DAAM1: variants seen among roughly 807,000 people sequenced by gnomAD.
DAAM1 encodes disheveled-associated activator of morphogenesis 1.
In DAAM1, 52 loss-of-function variants were observed where a neutral mutation model predicts 130.0. The ratio of observed to expected loss-of-function variants is 0.40; its 90% CI spans 0.32 to 0.50. The LOEUF is 0.50. DAAM1 is among the 20% of genes least tolerant of loss of function. The pLI is 0.61. For synonymous variants in DAAM1, 452 were observed against 444.5 expected (o/e 1.02, Z -0.21); for missense variants, 1,134 against 1,303.8 (o/e 0.87, Z 2.01).
intron 2 of DAAM1, among the ~76,000 whole-genome samples, chr14:59,272,723 A>G (rs1457105343): frequency 6.6e-6 from 1 of 152,092 alleles, no homozygotes; most frequent in East Asian, 1.9e-4. Flanking sequence ...GCATTTTTTG[A>G]TAACTTGATG....
At chr14:59,270,424 G>A (rs1374073539) in intron 2 of DAAM1, among the ~76,000 whole-genome samples, 2 of 152,064 alleles carry the variant, frequency 1.3e-5, no homozygotes, top group Non-Finnish European at 2.9e-5. Flanking sequence ...AGCTCTCCAG[G>A]GAACTAATGG....
At position 59,346,949 on chromosome 14, in the gene DAAM1, G is replaced by C. The variant is rs564674460; in HGVS notation, c.2076-590G>C. Among the ~76,000 whole-genome samples the C allele has an allele frequency of 4.6e-5, 7 of 152,146 alleles. No individual in the cohort carries two copies. The South Asian group carries it at 1.5e-3, about 32-fold the overall frequency. On this transcript the variant is annotated intron_variant, in intron 16 of 24. Transcript: ENST00000360909. ...TTGAGATTAGCAATCAAGAGTCGTG[G>C]GTTTGTGGTTACTGTCGTTTTTTAT...
At chr14:59,332,638 A>T (rs1464790966) in intron 15 of DAAM1, among the ~76,000 whole-genome samples, 2 of 152,210 alleles carry the variant, frequency 1.3e-5, no homozygotes, top group Admixed American at 6.5e-5. Context: ...GTTCTTCAAG[A>T]GGGCATCGTG....
rs139803622 is a variant in DAAM1 at position 59,219,397 on chromosome 14, G to A, written c.-38+30629G>A. Among the ~76,000 whole-genome samples the A allele has an allele frequency of 3.8e-3, 580 of 152,224 alleles. 3 individuals carry two copies. Among genetic ancestry groups the A allele is most frequent in the African/African-American group, 0.013 (540 of 41,524 alleles). On this transcript the variant is annotated intron_variant, in intron 1 of 24. Transcript: ENST00000360909. ...GTGCATAAACCTCTGGGGGGACATC[G>A]GCATGCTGTAGTCAGTATCCTGATT...
chr14:59,349,974 C>A (rs1442294872), intron 17 of DAAM1, among the ~76,000 whole-genome samples: 1 of 152,148 alleles, frequency 6.6e-6, no homozygotes, highest in Non-Finnish European at 1.5e-5. Context: ...ACTCAGTTTC[C>A]TTGCCCAATG....
chr14:59,227,353 C>G (rs1466266234), intron 1 of DAAM1, among the ~76,000 whole-genome samples: 1 of 152,116 alleles, frequency 6.6e-6, no homozygotes, highest in East Asian at 1.9e-4. Flanking sequence ...CTCTGGTTCC[C>G]CATTACAGAC....
In DAAM1 at chr14:59,323,202, G is replaced by T; in HGVS notation, c.751G>T (p.Ala251Ser). ...GGCCATGCTGCACTACCAGAAGTAT[G>T]CCAGCGAAAGGACCCGCTTTCAGGT... ...LQAMLHYQKY[A>S]SERTRFQTLI... The change falls in exon 6 of 25, where the codon GCC becomes TCC. Residue 251 changes from alanine to serine, a missense_variant. Coordinates refer to ENST00000360909, the MANE Select transcript of DAAM1 (RefSeq NM_001270520.2). 2 of 1,609,682 alleles carry T rather than the reference G, an allele frequency of 1.2e-6. No individual in the cohort carries two copies. The highest frequency in any genetic ancestry group is 1.7e-6 in the Non-Finnish European group (2 of 1,177,048).
chr14:59,202,651 C>T (rs1481184010), intron 1 of DAAM1, among the ~76,000 whole-genome samples: 2 of 152,204 alleles, frequency 1.3e-5, no homozygotes, highest in African/African-American at 4.8e-5. Context: ...TATCCTCTGT[C>T]TTCAGCTTCT....
chr14:59,262,653 AGTGTGTGTGTGTGTGTGTGTGTGT>A (rs5809025), intron 1 of DAAM1, among the ~76,000 whole-genome samples: 36 of 140,870 alleles, frequency 2.6e-4, no homozygotes, highest in African/African-American at 8.0e-4. Flanking sequence ...ATATTCTATT[AGTGTGTGTGTGTGTGTGTGTGTGT>A]GTGTGTGTGT....
rs560252143 is a variant in DAAM1, at chr14:59,259,936, G to T, written c.-37-3505G>T. Among the ~76,000 whole-genome samples the T allele has an allele frequency of 4.0e-4, 61 of 152,194 alleles. No homozygotes were observed. The East Asian group carries it at 8.3e-3, about 21-fold the overall frequency. ...GCGGGCGTCTATAGTCCCAGCTACT[G>T]GGGAGGCTGAGGCAGGAGAATGGCG... On this transcript the variant is annotated intron_variant, in intron 1 of 24. Transcript: ENST00000360909.
intron 17 of DAAM1, among the ~76,000 whole-genome samples, chr14:59,348,163 G>GC (rs1353300378): frequency 2.0e-5 from 3 of 152,198 alleles, no homozygotes; most frequent in African/African-American, 4.8e-5. Flanking sequence ...ACATTGTACA[G>GC]CCCCCTCTTG....
chr14:59,322,858 G>A (rs369988349), intron 5 of DAAM1, 34 bp from the exon 6 acceptor site: 7 of 1,545,086 alleles, frequency 4.5e-6, no homozygotes, highest in Middle Eastern at 3.4e-4. Context: ...AAACCCAAAG[G>A]CACTTAAGCA....
intron 1 of DAAM1, among the ~76,000 whole-genome samples, chr14:59,201,168 A>C (rs2139393662): frequency 6.9e-6 from 1 of 145,638 alleles, no homozygotes; most frequent in Non-Finnish European, 1.5e-5. Flanking sequence ...CTCAAAAAAA[A>C]AAAAAAAAAA....
At chr14:59,305,936 G>A (rs561655053) in intron 3 of DAAM1, among the ~76,000 whole-genome samples, 1 of 152,336 alleles carries the variant, frequency 6.6e-6, no homozygotes, top group Non-Finnish European at 1.5e-5. Context: ...GTGACATTTT[G>A]TGCTCTCAAG....
intron 16 of DAAM1, among the ~76,000 whole-genome samples, chr14:59,345,358 A>G (rs932704640): frequency 7.9e-5 from 12 of 152,230 alleles, no homozygotes; most frequent in African/African-American, 2.4e-4. Context: ...TAATGGCAAC[A>G]CAGCTCACAT....
rs183939773 is a variant in DAAM1, at chr14:59,207,078, G to C, written c.-38+18310G>C. On this transcript the variant is annotated intron_variant, in intron 1 of 24. Coordinates refer to ENST00000360909, the MANE Select transcript of DAAM1 (RefSeq NM_001270520.2). ...AATTCATTAATTAATGAGGGAACCA[G>C]TAAGATGTTAAGGGTCGTTCACAGG... Among the ~76,000 whole-genome samples, 5 of 152,328 alleles carry C rather than the reference G, an allele frequency of 3.3e-5. No homozygotes were observed. In the East Asian group the frequency reaches 9.6e-4, roughly 29 times the overall value.
rs866086542 is a variant in DAAM1, at chr14:59,331,833, A to G, written c.1881A>G (p.Val627=). ...KLPENKLEGT[V]WTEIDDTKVF... ...TCTAGAACAAACTGGAAGGAACAGT[A>G]TGGACCGAAATTGATGATACAAAAG... The change falls in exon 15 of 25, where the codon GTA becomes GTG. Residue 627 remains valine (V), a synonymous_variant. Transcript: ENST00000360909. The G allele has an allele frequency of 2.5e-6, 4 of 1,614,164 alleles. No individual in the cohort carries two copies. The highest frequency in any genetic ancestry group is 1.3e-5 in the African/African-American group (1 of 75,064).
chr14:59,261,492 T>C (rs772453586), intron 1 of DAAM1, among the ~76,000 whole-genome samples: 1 of 152,198 alleles, frequency 6.6e-6, no homozygotes, highest in Admixed American at 6.5e-5. Flanking sequence ...AGGAGACATA[T>C]GCTTCAACAG....
In DAAM1 at chr14:59,192,327, G is replaced by A. The variant is rs1210483528; in HGVS notation, c.-38+3559G>A. On this transcript the variant is annotated intron_variant, in intron 1 of 24. Transcript: ENST00000360909. ...GTAAATATTTGGGAGATGGCATAAAGAGAAACTTGAGGTCTTGTGTGAAAA... is the reference window on the plus strand; with the variant it reads ...GTAAATATTTGGGAGATGGCATAAAAAGAAACTTGAGGTCTTGTGTGAAAA... Among the ~76,000 whole-genome samples the A allele has an allele frequency of 1.3e-5, 2 of 152,198 alleles. 1 individual carries two copies. The highest frequency in any genetic ancestry group is 3.8e-4 in the East Asian group (2 of 5,202).
Sources: gnomAD v4.1 joint callset for allele counts (sites outside exome capture counted in the v4.1 genomes callset) on GRCh38, gnomAD v4.1.1 for gene constraint, MANE v1.5 for transcripts, NCBI Gene and HGNC (gene_info 2026-07-23, HGNC 2026-07-21) for gene names.